Variants in PPP1CC observed in about 807,000 individuals in gnomAD.
PPP1CC encodes the protein protein phosphatase 1 catalytic subunit gamma.
PPP1CC carries 16 observed loss-of-function variants against 38.4 expected under a neutral mutation model. That is an observed-to-expected ratio of 0.42 (90% confidence interval 0.28 to 0.63). The LOEUF (loss-of-function observed/expected upper bound fraction) is 0.63, where lower values mean the gene tolerates loss of function less well. PPP1CC is among the 30% of genes least tolerant of loss of function. The pLI is 0.25. For synonymous variants in PPP1CC, 158 were observed against 136.0 expected, an observed-to-expected ratio of 1.16 and a Z score of -1.13; for missense variants, 170 against 391.3, an observed-to-expected ratio of 0.43 and a Z score of 4.77.
chr12:110,710,205 CAA>C, the PPP1CC span, among the ~76,000 whole-genome samples: 4 of 151,676 alleles, frequency 2.6e-5, no homozygotes, highest in African/African-American at 9.7e-5. Flanking sequence ...TTATATTTCC[CAA>C]AGAGAATAGG....
At chr12:110,731,935 G>A in intron 1 of PPP1CC, 34 bp from the exon 2 acceptor site, 1 of 1,603,474 alleles carries the variant, frequency 6.2e-7, no homozygotes, top group Non-Finnish European at 8.5e-7. Context: ...GTCCAATGAA[G>A]CCAAAATACA....
At chr12:110,739,660 C>T (rs993776962) in intron 1 of PPP1CC, among the ~76,000 whole-genome samples, 1 of 152,176 alleles carries the variant, frequency 6.6e-6, no homozygotes, top group Admixed American at 6.5e-5. Context: ...TTCTGCAGAG[C>T]CTGACATGGT....
At chr12:110,738,166 G>C (rs944099271) in intron 1 of PPP1CC, among the ~76,000 whole-genome samples, 11 of 152,282 alleles carry the variant, frequency 7.2e-5, no homozygotes, top group Admixed American at 5.9e-4. Context: ...CTAGAAGAGG[G>C]ATGACAGTAA....
chr12:110,742,701 C>T lies in PPP1CC; in HGVS notation c.7G>A (p.Asp3Asn), dbSNP rs1219599437. MA[D>N]LDKLNIDSII... ...CTGTCGATGTTGAGTTTATCTAAATCCGCCATCGCCTTCCCACCGCCGACC... is the reference window on the plus strand; with the variant it reads ...CTGTCGATGTTGAGTTTATCTAAATTCGCCATCGCCTTCCCACCGCCGACC... The change falls in exon 1 of 7, where the codon GAT becomes AAT. Residue 3 changes from aspartate to asparagine, a missense_variant. Physicochemically the swap from Asp to Asn is conservative, Grantham distance 23. Coordinates refer to ENST00000335007, the MANE Select transcript of PPP1CC (RefSeq NM_002710.4). 3 of 1,448,356 alleles carry T rather than the reference C, an allele frequency of 2.1e-6. No individual in the cohort carries two copies. The highest frequency in any genetic ancestry group is 2.9e-5 in the South Asian group (2 of 68,036). 89.7% of individuals were successfully genotyped at this position (1,448,356 alleles called of 1,614,324 possible).
chr12:110,721,415 G>A (rs2136537900), intron 6 of PPP1CC: 12 of 328,276 alleles, frequency 3.7e-5, no homozygotes, highest in Middle Eastern at 8.6e-4. Context: ...ATCTTCTGAA[G>A]TCTACACCTG....
intron 3 of PPP1CC, chr12:110,725,532 T>C (rs1205243313): frequency 6.6e-6 from 1 of 152,272 alleles, no homozygotes; most frequent in East Asian, 1.9e-4. Flanking sequence ...ACAGGCCTGA[T>C]GTCACAGGAT....
chr12:110,733,688 T>C (rs112148402), intron 1 of PPP1CC, among the ~76,000 whole-genome samples: 17,874 of 152,064 alleles, frequency 0.12, 1,234 homozygotes, highest in African/African-American at 0.19. Flanking sequence ...GATCATGGCT[T>C]ACTGCAGCCT....
intron 1 of PPP1CC, among the ~76,000 whole-genome samples, chr12:110,735,654 C>T (rs187249587): frequency 1.2e-3 from 174 of 150,810 alleles, no homozygotes; most frequent in Admixed American, 1.9e-3. Flanking sequence ...TGGTGGTGCA[C>T]GCCTGTAACC....
chr12:110,717,097 T>C (rs79245315), downstream of PPP1CC, among the ~76,000 whole-genome samples: 107 of 152,342 alleles, frequency 7.0e-4, 1 homozygote, highest in East Asian at 0.02. Flanking sequence ...TCATTGGTCT[T>C]ATACCAGGGC....
At chr12:110,717,189 G>T (rs759500140), downstream of PPP1CC, among the ~76,000 whole-genome samples, 1 of 152,180 alleles carries the variant, frequency 6.6e-6, no homozygotes, top group African/African-American at 2.4e-5. Flanking sequence ...AAGTATTCTA[G>T]TTATTCCTCT....
chr12:110,713,632 G>A, the PPP1CC span, among the ~76,000 whole-genome samples: 5 of 152,114 alleles, frequency 3.3e-5, no homozygotes, highest in Non-Finnish European at 7.3e-5. Flanking sequence ...GGAGGTGGAA[G>A]CTGTTCGGGG....
intron 3 of PPP1CC, chr12:110,726,313 T>C (rs1346698262): frequency 6.6e-6 from 1 of 152,250 alleles, no homozygotes; most frequent in Non-Finnish European, 1.5e-5. Context: ...AGGAGTGTTA[T>C]CTTTTCTCCT....
chr12:110,717,461 T>A (rs1167041627), downstream of PPP1CC, among the ~76,000 whole-genome samples: 1 of 152,178 alleles, frequency 6.6e-6, no homozygotes, highest in Non-Finnish European at 1.5e-5. Context: ...TGGCGTGATC[T>A]CGGCTCACTG....
intron 3 of PPP1CC, 82 bp from the exon 4 acceptor site, chr12:110,724,846 A>C (rs1385236080): frequency 3.7e-5 from 28 of 758,336 alleles, no homozygotes; most frequent in Non-Finnish European, 6.0e-5. Context: ...AACTTCCCCC[A>C]AAGCAAGATT....
chr12:110,726,399 C>T (rs1040866913), intron 3 of PPP1CC: 2 of 152,132 alleles, frequency 1.3e-5, no homozygotes, highest in African/African-American at 4.8e-5. Context: ...TTTAGAGGTC[C>T]TTCACTAGGG....
At chr12:110,729,438 C>T (rs923828181) in intron 3 of PPP1CC, among the ~76,000 whole-genome samples, 4 of 152,284 alleles carry the variant, frequency 2.6e-5, no homozygotes, top group Middle Eastern at 3.4e-3. Flanking sequence ...TGTGATCCAC[C>T]CGCTGTGGCC....
intron 1 of PPP1CC, among the ~76,000 whole-genome samples, chr12:110,740,258 AG>A (rs1307671856): frequency 6.6e-6 from 1 of 152,060 alleles, no homozygotes. Context: ...CATCTTATTT[AG>A]GGAAAAAAAA....
chr12:110,732,166 A>G, intron 1 of PPP1CC: 1 of 533,360 alleles, frequency 1.9e-6, no homozygotes, highest in Non-Finnish European at 3.3e-6. Context: ...TGTTAGAAAC[A>G]GGACTGCAGG....
At chr12:110,737,168 C>T (rs1175918586) in intron 1 of PPP1CC, among the ~76,000 whole-genome samples, 1 of 152,118 alleles carries the variant, frequency 6.6e-6, no homozygotes, top group Non-Finnish European at 1.5e-5. Context: ...AAAGTATAAA[C>T]CACAAAAATG....
Sources: allele counts gnomAD v4.1 joint callset (sites outside exome capture counted in the v4.1 genomes callset), GRCh38; gene constraint gnomAD v4.1.1; transcripts MANE v1.5; gene names NCBI Gene and HGNC (gene_info 2026-07-23, HGNC 2026-07-21).